The following PCDHA3 variants were observed in gnomAD, a reference collection of about 807,000 sequenced individuals.
The protein encoded by PCDHA3 is protocadherin alpha 3, also known as protocadherin alpha-3.
In PCDHA3, 41 loss-of-function variants were observed where a neutral mutation model predicts 62.2. That is an observed-to-expected ratio of 0.66 (90% CI 0.51 to 0.86). PCDHA3 has a LOEUF of 0.86. PCDHA3 is among the 40% of genes least tolerant of loss of function. The probability of loss-of-function intolerance (pLI) is 0.00; values close to 1 mark genes in which losing one functional copy is unlikely to be tolerated. For missense variants in PCDHA3, 1,304 were observed against 1,241.2 expected (o/e 1.05, Z -0.76); for synonymous variants, 640 against 555.4 (o/e 1.15, Z -2.14).
At chr5:140,812,642 A>G (rs1178933348) in intron 1 of PCDHA3, 2 of 152,060 alleles carry the variant, frequency 1.3e-5, no homozygotes, top group Non-Finnish European at 2.9e-5. Context: ...TTTCATGTTT[A>G]AGAGACAAGA....
intron 1 of PCDHA3, chr5:140,929,369 G>A: frequency 6.6e-7 from 1 of 1,515,248 alleles, no homozygotes; most frequent in Admixed American, 2.2e-5. Context: ...CCCGGAGATG[G>A]CTGCTAGCTG....
intron 1 of PCDHA3, among the ~76,000 whole-genome samples, chr5:140,873,027 A>C (rs2054049034): frequency 6.6e-6 from 1 of 152,184 alleles, no homozygotes; most frequent in South Asian, 2.1e-4. Flanking sequence ...TATTCTTACT[A>C]CACGTAGAGT....
chr5:140,850,250 G>T (rs2150475592), intron 1 of PCDHA3: 2 of 1,594,024 alleles, frequency 1.3e-6, no homozygotes, highest in South Asian at 2.2e-5. Flanking sequence ...TGCGGTCGGT[G>T]GGCGCCGGCG....
intron 1 of PCDHA3, among the ~76,000 whole-genome samples, chr5:140,932,720 G>A (rs868927369): frequency 6.6e-5 from 10 of 151,848 alleles, no homozygotes; most frequent in Non-Finnish European, 1.5e-5. Flanking sequence ...CAATAATATT[G>A]TATAATATAG....
chr5:140,887,838 T>C (rs1434293324), intron 1 of PCDHA3, among the ~76,000 whole-genome samples: 1 of 152,210 alleles, frequency 6.6e-6, no homozygotes. Context: ...TGAATATCTT[T>C]TATTGACATA....
intron 1 of PCDHA3, chr5:140,927,930 G>A (rs782236455): frequency 1.9e-5 from 30 of 1,614,062 alleles, no homozygotes; most frequent in Admixed American, 5.0e-5. Flanking sequence ...TGACTCTTTC[G>A]AACCCAGTAC....
intron 3 of PCDHA3, among the ~76,000 whole-genome samples, chr5:140,982,811 A>G (rs1024619481): frequency 1.3e-5 from 2 of 150,966 alleles, no homozygotes; most frequent in Non-Finnish European, 1.5e-5. Flanking sequence ...GTGTGTGTGT[A>G]TGAAGTTTTT....
At chr5:140,994,726 G>A (rs774837274) in intron 3 of PCDHA3, among the ~76,000 whole-genome samples, 1 of 151,958 alleles carries the variant, frequency 6.6e-6, no homozygotes, top group Non-Finnish European at 1.5e-5. Flanking sequence ...TAAAATACTG[G>A]GTATTGCAGG....
Position 140,802,043 on chromosome 5 carries a change from T to A in PCDHA3, c.846T>A (p.Asn282Lys), listed in dbSNP as rs782776274. Reference protein sequence around the residue: ...GVNKDIAYSFNTDMSADILSK... With the variant: ...GVNKDIAYSFKTDMSADILSK... ...ATAAGGATATCGCGTATTCTTTCAA[T>A]ACGGACATGTCAGCAGATATTCTGT... Residue 282 changes from asparagine (N) to lysine (K), a missense_variant, in exon 1 of 4, where the codon AAT (asparagine) becomes AAA (lysine). Coordinates refer to ENST00000522353, the MANE Select transcript of PCDHA3 (RefSeq NM_018906.3). 6.2e-7 allele frequency: 1 copy of A among 1,614,190 alleles called. No homozygotes were observed. The highest frequency in any genetic ancestry group is 8.5e-7 in the Non-Finnish European group (1 of 1,180,032).
At chr5:140,948,013 A>G (rs1214834981) in intron 1 of PCDHA3, among the ~76,000 whole-genome samples, 7 of 89,982 alleles carry the variant, frequency 7.8e-5, no homozygotes, top group Admixed American at 5.3e-4. Context: ...TTTAGGAAGT[A>G]CCCTTTCTGG....
chr5:140,944,807 A>G (rs1472832230), intron 1 of PCDHA3, among the ~76,000 whole-genome samples: 1 of 152,214 alleles, frequency 6.6e-6, no homozygotes, highest in Non-Finnish European at 1.5e-5. Context: ...TCGAGGGTCC[A>G]CAGTGATCTT....
chr5:140,836,131 G>A (rs1554135629), intron 1 of PCDHA3: 2 of 1,613,752 alleles, frequency 1.2e-6, no homozygotes, highest in Admixed American at 1.7e-5. Context: ...CTTGTGCCGC[G>A]GTCTGTGGGC....
chr5:140,841,373 C>T, intron 1 of PCDHA3: 1 of 1,613,502 alleles, frequency 6.2e-7, no homozygotes, highest in East Asian at 2.2e-5. Flanking sequence ...ACTACTCTTG[C>T]TTCTGCTCCT....
rs1314972050 is a variant in PCDHA3, at chr5:141,011,103, T to A, written c.*1166T>A. 6.5e-6 allele frequency: 1 copy of A among 153,762 alleles called. No individual in the cohort carries two copies. Among genetic ancestry groups the A allele is most frequent in the Non-Finnish European group, 1.5e-5 (1 of 68,036 alleles). The allele number at this position is 153,762 out of a possible 1,614,324, so 9.5% of individuals were successfully genotyped here. A position where few individuals can be genotyped will look rare whatever the true frequency, so the allele number is the denominator to read the frequency against. On this transcript the variant is annotated 3_prime_UTR_variant, in exon 4 of 4. Coordinates refer to ENST00000522353, the MANE Select transcript of PCDHA3 (RefSeq NM_018906.3). ...TGATCTCTCTTTCTCTCTCTCTCTC[T>A]CTTTTCTAAGAAACAATTATGTGCA... is the stretch of plus-strand genomic sequence containing the variant.
intron 1 of PCDHA3, among the ~76,000 whole-genome samples, chr5:140,871,905 G>A (rs1457249186): frequency 6.6e-6 from 1 of 152,124 alleles, no homozygotes; most frequent in Non-Finnish European, 1.5e-5. Flanking sequence ...GCAGAGTTTT[G>A]CCTTGATATT....
intron 1 of PCDHA3, chr5:140,877,061 T>A (rs2056822485): frequency 3.1e-6 from 5 of 1,612,978 alleles, no homozygotes; most frequent in African/African-American, 1.3e-5. Flanking sequence ...GAGCTGGAGC[T>A]GCTGCAGTTC....
intron 1 of PCDHA3, chr5:140,929,209 G>C (rs553616030): frequency 1.2e-6 from 2 of 1,613,936 alleles, no homozygotes. Context: ...GCTGTTGCGT[G>C]GGGAGTACAA....
chr5:140,898,228 C>T (rs1302111875), intron 1 of PCDHA3, among the ~76,000 whole-genome samples: 1 of 152,118 alleles, frequency 6.6e-6, no homozygotes, highest in Non-Finnish European at 1.5e-5. Flanking sequence ...CTTTTGTTGC[C>T]ATTGCTTTTG....
At chr5:141,000,391 CTCTCTATATATA>C (rs1452985170) in intron 3 of PCDHA3, among the ~76,000 whole-genome samples, 26 of 56,648 alleles carry the variant, frequency 4.6e-4, no homozygotes, top group Middle Eastern at 0.011. Flanking sequence ...CTCTCTCTCT[CTCTCTATATATA>C]TATATATATA....
Sources: allele counts gnomAD v4.1 joint callset (sites outside exome capture counted in the v4.1 genomes callset), GRCh38; gene constraint gnomAD v4.1.1; transcripts MANE v1.5; gene names NCBI Gene and HGNC (gene_info 2026-07-23, HGNC 2026-07-21).